The following ANKS1B variants were observed in gnomAD, a reference collection of about 807,000 sequenced individuals.
ANKS1B encodes ankyrin repeat and sterile alpha motif domain-containing protein 1B.
ANKS1B carries 36 observed loss-of-function variants against 148.3 expected under a neutral mutation model. The ratio of observed to expected loss-of-function variants is 0.24; its 90% CI spans 0.19 to 0.32. The LOEUF is 0.32. Among genes scored for constraint, ANKS1B ranks in the 10% least tolerant of loss-of-function variants. ANKS1B has a pLI of 1.00. For synonymous variants in ANKS1B, 542 were observed against 560.8 expected (o/e 0.97, Z 0.47); for missense variants, 1,157 against 1,542.6 (o/e 0.75, Z 4.19).
intron 9 of ANKS1B, among the ~76,000 whole-genome samples, chr12:99,589,363 T>C (rs541636946): frequency 1.3e-5 from 2 of 152,170 alleles, no homozygotes; most frequent in Non-Finnish European, 1.5e-5. Flanking sequence ...TTTTATAAAC[T>C]AAAATTATTT....
chr12:99,417,685 G>A (rs2094950795), intron 11 of ANKS1B, among the ~76,000 whole-genome samples: 1 of 152,036 alleles, frequency 6.6e-6, no homozygotes, highest in Non-Finnish European at 1.5e-5. Context: ...AAACAGGTAT[G>A]TCTTTCCACT....
Position 99,309,723 on chromosome 12 carries a change from TA to T in ANKS1B, c.1757-62860del, listed in dbSNP as rs576940534. ...CACTGAAGTTTTCATTGTTGAATACTAACAACCTTTTGTAATAGCCATATAT... is the reference window on the plus strand; with the variant it reads ...CACTGAAGTTTTCATTGTTGAATACTACAACCTTTTGTAATAGCCATATAT... On this transcript the variant is annotated intron_variant, in intron 12 of 26. Transcript: ENST00000683438. Among the ~76,000 whole-genome samples the T allele has an allele frequency of 1.4e-3, 219 of 152,278 alleles. 1 individual carries two copies. The highest frequency in any genetic ancestry group is 5.1e-3 in the African/African-American group (210 of 41,584).
chr12:99,485,032 T>C (rs2096469524), intron 10 of ANKS1B, among the ~76,000 whole-genome samples: 1 of 151,968 alleles, frequency 6.6e-6, no homozygotes. Flanking sequence ...AACGTTAATA[T>C]TGAGATGTGA....
chr12:99,933,265 A>C (rs991261998), intron 1 of ANKS1B, among the ~76,000 whole-genome samples: 1 of 152,052 alleles, frequency 6.6e-6, no homozygotes, highest in Admixed American at 6.6e-5. Context: ...GTTCCATATA[A>C]ATTTTAGGAT....
At chr12:99,416,256 T>C (rs1321558584) in intron 11 of ANKS1B, among the ~76,000 whole-genome samples, 2 of 152,198 alleles carry the variant, frequency 1.3e-5, no homozygotes, top group African/African-American at 2.4e-5. Context: ...ATTCACCCAA[T>C]GAAGGACATC....
intron 12 of ANKS1B, among the ~76,000 whole-genome samples, chr12:99,366,548 A>G (rs950236680): frequency 6.6e-6 from 1 of 152,206 alleles, no homozygotes; most frequent in Admixed American, 6.5e-5. Context: ...AGACCCAGGT[A>G]TATATAGAAA....
chr12:99,365,193 A>G (rs1477117104), intron 12 of ANKS1B, among the ~76,000 whole-genome samples: 1 of 152,208 alleles, frequency 6.6e-6, no homozygotes, highest in Non-Finnish European at 1.5e-5. Flanking sequence ...CCTGCCGCCC[A>G]CAAGGGCTGC....
At chr12:99,533,648 A>G (rs2097027738) in intron 9 of ANKS1B, among the ~76,000 whole-genome samples, 1 of 152,176 alleles carries the variant, frequency 6.6e-6, no homozygotes, top group African/African-American at 2.4e-5. Context: ...TTCCCCATTC[A>G]GTATGATGTT....
At chr12:99,930,544 G>A (rs2094587519) in intron 1 of ANKS1B, among the ~76,000 whole-genome samples, 1 of 152,138 alleles carries the variant, frequency 6.6e-6, no homozygotes, top group African/African-American at 2.4e-5. Flanking sequence ...TGTTGAACAG[G>A]AGTGGTGAGA....
intron 14 of ANKS1B, among the ~76,000 whole-genome samples, chr12:99,162,837 A>C (rs533306533): frequency 6.6e-6 from 1 of 152,166 alleles, no homozygotes; most frequent in Non-Finnish European, 1.5e-5. Context: ...AGGCAGGTGG[A>C]TCACAAGGTC....
chr12:99,688,314 G>A (rs1158000476), intron 8 of ANKS1B, among the ~76,000 whole-genome samples: 1 of 152,172 alleles, frequency 6.6e-6, no homozygotes, highest in Non-Finnish European at 1.5e-5. Flanking sequence ...TCCCTGCTTT[G>A]TAGTCTATAA....
At chr12:99,548,894 G>C (rs1342645540) in intron 9 of ANKS1B, among the ~76,000 whole-genome samples, 2 of 152,104 alleles carry the variant, frequency 1.3e-5, no homozygotes, top group African/African-American at 4.8e-5. Context: ...AGGTGCATAA[G>C]TGTAGGGAAC....
At chr12:99,127,227 G>C (rs2153741943) in intron 15 of ANKS1B, among the ~76,000 whole-genome samples, 1 of 152,258 alleles carries the variant, frequency 6.6e-6, no homozygotes, top group East Asian at 1.9e-4. Flanking sequence ...TCATGTAGGA[G>C]AGGACCTGCC....
At chr12:99,280,156 C>G (rs1004202386) in intron 12 of ANKS1B, among the ~76,000 whole-genome samples, 5 of 150,120 alleles carry the variant, frequency 3.3e-5, no homozygotes, top group Non-Finnish European at 7.4e-5. Context: ...CCAATAGAGT[C>G]TGTGTGTGTG....
intron 14 of ANKS1B, among the ~76,000 whole-genome samples, chr12:99,187,756 C>A: frequency 6.6e-6 from 1 of 152,124 alleles, no homozygotes; most frequent in East Asian, 1.9e-4. Flanking sequence ...TTGTAAAGAC[C>A]ATTGACACTA....
At chr12:99,937,298 C>T (rs1483279890) in intron 1 of ANKS1B, among the ~76,000 whole-genome samples, 1 of 152,152 alleles carries the variant, frequency 6.6e-6, no homozygotes, top group Non-Finnish European at 1.5e-5. Flanking sequence ...TAACCTCCAT[C>T]TTAACTACCC....
chr12:99,107,969 T>C (rs973316733), intron 15 of ANKS1B, among the ~76,000 whole-genome samples: 2 of 152,234 alleles, frequency 1.3e-5, no homozygotes, highest in African/African-American at 4.8e-5. Context: ...AGGATATCTA[T>C]ATCTTTGTGT....
rs372149661 is a variant in ANKS1B, at chr12:99,876,657, G to A, written c.135-51268C>T. 1.2e-4 allele frequency among the ~76,000 whole-genome samples: 18 copies of A among 151,986 alleles called. No homozygotes were observed. In the East Asian group the frequency reaches 2.3e-3, roughly 20 times the overall value. ...AGGCAGGAGAATTGCTTGAACCCGG[G>A]AGGCAGAGGTTGCAGTAAGCCAAGA... On this transcript the variant is annotated intron_variant, in intron 1 of 26. Transcript: ENST00000683438.
rs371989432 is a variant in ANKS1B, at chr12:99,802,840, G to T, written c.669+3564C>A. Reference sequence around the variant, plus strand: ...AAGCAGGAGGATCACTTGAGCTTGGGAGTTCTAGGCCGAAGTGAGCATGAT... The same window carrying T: ...AAGCAGGAGGATCACTTGAGCTTGGTAGTTCTAGGCCGAAGTGAGCATGAT... On this transcript the variant is annotated intron_variant, in intron 4 of 26. Coordinates refer to ENST00000683438, the MANE Select transcript of ANKS1B (RefSeq NM_001352186.2). Among the ~76,000 whole-genome samples, 239 of 151,922 alleles carry T rather than the reference G, an allele frequency of 1.6e-3. 5 individuals carry two copies. The South Asian group carries it at 0.048, about 30-fold the overall frequency.
Sources: gnomAD v4.1 joint callset for allele counts (sites outside exome capture counted in the v4.1 genomes callset) on GRCh38, gnomAD v4.1.1 for gene constraint, MANE v1.5 for transcripts, NCBI Gene and HGNC (gene_info 2026-07-23, HGNC 2026-07-21) for gene names.